The following IGF2BP1 variants were observed in gnomAD, a reference collection of about 807,000 sequenced individuals.
IGF2BP1 encodes insulin like growth factor 2 mRNA binding protein 1.
Under a neutral mutation model 74.9 loss-of-function variants are expected in IGF2BP1, and 11 were observed. That is an observed-to-expected ratio of 0.15 (90% CI 0.09 to 0.24). IGF2BP1 has a LOEUF of 0.24. IGF2BP1 is among the 10% of genes least tolerant of loss of function. The pLI is 1.00. For synonymous variants in IGF2BP1, 287 were observed against 281.8 expected, an observed-to-expected ratio of 1.02 and a Z score of -0.18; for missense variants, 440 against 757.4, an observed-to-expected ratio of 0.58 and a Z score of 4.92.
At chr17:49,043,317 C>G (rs928541924) in intron 9 of IGF2BP1, 111 bp from the exon 10 acceptor site, 2 of 1,206,816 alleles carry the variant, frequency 1.7e-6, no homozygotes, top group East Asian at 4.7e-5. Context: ...GTATGTAATT[C>G]ATGTTTTTGG....
Position 48,999,117 on chromosome 17 carries a change from GA to G in IGF2BP1, c.186del (p.Glu62AspfsTer7). ...TTTTTTTTAATCTTTAGGGAAAGTA[GA>G]ATTACAAGGAAAACGCTTAGAGATT... ...KAIETFSGKV[E>X]LQGKRLEIEH... is the part of the protein sequence containing the mutation. On this transcript the variant is annotated frameshift_variant, in exon 2 of 15. Transcript: ENST00000290341. LOFTEE classifies it high-confidence loss of function. The G allele has an allele frequency of 6.9e-7, 1 of 1,448,140 alleles. No homozygotes were observed. Among genetic ancestry groups the G allele is most frequent in the Non-Finnish European group, 9.3e-7 (1 of 1,075,342 alleles). The allele number at this position is 1,448,140 out of a possible 1,614,324, so 89.7% of individuals were successfully genotyped here.
In IGF2BP1 at chr17:49,054,778, G is replaced by A. The variant is rs892448222; in HGVS notation, c.*5334G>A. The A allele has an allele frequency of 6.6e-6, 1 of 152,112 alleles. No individual in the cohort carries two copies. Among genetic ancestry groups the A allele is most frequent in the Non-Finnish European group, 1.5e-5 (1 of 68,068 alleles). 9.4% of individuals were successfully genotyped at this position (152,112 alleles called of 1,614,324 possible). A position where few individuals can be genotyped will look rare whatever the true frequency, so the allele number is the denominator to read the frequency against. ...GAGACCTCTTCAACAGGGTTTCTTT[G>A]AGATCCTACACCTCCATTGGGCCCT... On this transcript the variant is annotated 3_prime_UTR_variant, in exon 15 of 15. Coordinates refer to ENST00000290341, the MANE Select transcript of IGF2BP1 (RefSeq NM_006546.4).
intron 5 of IGF2BP1, among the ~76,000 whole-genome samples, chr17:49,035,692 G>A (rs537723997): frequency 6.6e-6 from 1 of 152,350 alleles, no homozygotes; most frequent in South Asian, 2.1e-4. Flanking sequence ...GGTCTCCCCT[G>A]GGCGGCCGCC....
intron 2 of IGF2BP1, among the ~76,000 whole-genome samples, chr17:48,999,905 A>G (rs1274807068): frequency 4.0e-5 from 6 of 148,218 alleles, no homozygotes; most frequent in African/African-American, 1.5e-4. Context: ...TGGAGGGTCT[A>G]GAACTCCGTG....
chr17:49,037,711 C>T (rs1409804632), intron 5 of IGF2BP1, among the ~76,000 whole-genome samples: 1 of 152,178 alleles, frequency 6.6e-6, no homozygotes, highest in Non-Finnish European at 1.5e-5. Flanking sequence ...TAGTAGTTAG[C>T]AGTTGGTTTC....
In IGF2BP1 at chr17:49,009,412, A is replaced by T. The variant is rs545970723; in HGVS notation, c.236+10243A>T. ...TCTCTTTATCCTTGGTATTTTTTTT[A>T]AAAAAATTATTTTTAGGCTGGGCGC... On this transcript the variant is annotated intron_variant, in intron 2 of 14. Transcript: ENST00000290341. Among the ~76,000 whole-genome samples the T allele has an allele frequency of 9.3e-4, 142 of 151,898 alleles. 1 individual carries two copies. In the East Asian group the frequency reaches 0.013, roughly 14 times the overall value.
intron 2 of IGF2BP1, among the ~76,000 whole-genome samples, chr17:49,012,100 T>C (rs1225773992): frequency 6.6e-6 from 1 of 152,088 alleles, no homozygotes; most frequent in African/African-American, 2.4e-5. Flanking sequence ...GAGAAGGGGT[T>C]TGCCATGTTG....
At chr17:49,047,367 CATA>C (rs943265103) in intron 14 of IGF2BP1, among the ~76,000 whole-genome samples, 2 of 151,744 alleles carry the variant, frequency 1.3e-5, no homozygotes, top group African/African-American at 2.4e-5. Flanking sequence ...TAATAAGAGC[CATA>C]ATAATAATAA....
At chr17:49,025,320 G>GTT (rs2041839191) in intron 2 of IGF2BP1, among the ~76,000 whole-genome samples, 2 of 136,320 alleles carry the variant, frequency 1.5e-5, no homozygotes, top group South Asian at 4.8e-4. Context: ...CAAAGTGTGT[G>GTT]TGTGTGTGTG....
At chr17:49,022,817 C>G (rs2041809235) in intron 2 of IGF2BP1, among the ~76,000 whole-genome samples, 1 of 152,178 alleles carries the variant, frequency 6.6e-6, no homozygotes, top group African/African-American at 2.4e-5. Flanking sequence ...TACTAAGGGA[C>G]CATCTTGAAA....
At chr17:49,009,089 G>A (rs967108280) in intron 2 of IGF2BP1, among the ~76,000 whole-genome samples, 1 of 152,000 alleles carries the variant, frequency 6.6e-6, no homozygotes, top group Non-Finnish European at 1.5e-5. Flanking sequence ...GTGCTGTGGT[G>A]CCATCTTGGC....
rs770757202 is a variant in IGF2BP1, at chr17:48,997,940, C to T, written c.175+20C>T. 1.2e-6 allele frequency: 2 copies of T among 1,609,506 alleles called. No homozygotes were observed. The highest frequency in any genetic ancestry group is 1.3e-5 in the African/African-American group (1 of 74,792). On this transcript the variant is annotated intron_variant, in intron 1 of 14. Coordinates refer to ENST00000290341, the MANE Select transcript of IGF2BP1 (RefSeq NM_006546.4). This position sits in a 1 kb window ranked among gnomAD's most constrained non-coding sequence, Gnocchi z 4.8. ...TCTCCGGTAAGAACACAGCCACCTCCCGGAAAAGCCACAACGAGAGCCCCG... is the reference window on the plus strand; with the variant it reads ...TCTCCGGTAAGAACACAGCCACCTCTCGGAAAAGCCACAACGAGAGCCCCG...
intron 8 of IGF2BP1, 60 bp downstream of exon 8, chr17:49,041,560 TATTTCATCATGG>T: frequency 6.2e-7 from 1 of 1,600,720 alleles, no homozygotes; most frequent in Non-Finnish European, 8.5e-7. Context: ...CCAGGGTCAG[TATTTCATCATGG>T]AACCTTGATA....
intron 1 of IGF2BP1, among the ~76,000 whole-genome samples, chr17:48,998,560 G>C (rs1406413243): frequency 6.6e-6 from 1 of 152,172 alleles, no homozygotes; most frequent in Non-Finnish European, 1.5e-5. Flanking sequence ...GCCGAGGCTG[G>C]GCCGAGAGGC....
rs760463978 is a variant in IGF2BP1 at position 49,026,651 on chromosome 17, G to T, written c.337+134G>T. ...TTCCTTCCTGCCTTCCTTCCTGCCT[G>T]CCTTCCTGCCTTCCTGCCTTCCTTC... On this transcript the variant is annotated intron_variant, in intron 4 of 14. Transcript: ENST00000290341. 162 of 602,532 alleles carry T rather than the reference G, an allele frequency of 2.7e-4. 2 individuals carry two copies. The highest frequency in any genetic ancestry group is 1.3e-3 in the African/African-American group (64 of 49,344). The allele number at this position is 602,532 out of a possible 1,614,324, so 37.3% of individuals were successfully genotyped here. A position where few individuals can be genotyped will look rare whatever the true frequency, so the allele number is the denominator to read the frequency against.
chr17:49,045,317 T>A (rs1338558312), intron 12 of IGF2BP1, among the ~76,000 whole-genome samples: 2 of 152,262 alleles, frequency 1.3e-5, no homozygotes, highest in African/African-American at 4.8e-5. Flanking sequence ...TGAGGGCATC[T>A]TATTTGCACT....
chr17:49,004,518 G>A (rs28391589), intron 2 of IGF2BP1: 28,404 of 152,212 alleles, frequency 0.19, 2,855 homozygotes, highest in African/African-American at 0.26. Context: ...GTCTTGGCCT[G>A]AGAAATAGAA....
chr17:49,034,761 A>AAC (rs2041967443), intron 5 of IGF2BP1, among the ~76,000 whole-genome samples: 1 of 148,640 alleles, frequency 6.7e-6, no homozygotes, highest in African/African-American at 2.6e-5. Flanking sequence ...AAAAACAAAA[A>AAC]AAACAAAAAA....
At position 49,041,450 on chromosome 17, in the gene IGF2BP1, G is replaced by T; in HGVS notation, c.891G>T (p.Arg297=). The part of the protein sequence containing the change: ...FVGRLIGKEG[R]NLKKVEQDTE... ...GGCGTCTCATTGGCAAGGAAGGACG[G>T]AACCTGAAGAAGGTAGAGCAAGATA... Residue 297 remains arginine, a synonymous_variant, in exon 8 of 15, where the codon CGG becomes CGT. Transcript: ENST00000290341. 1.2e-6 allele frequency: 2 copies of T among 1,614,102 alleles called. No homozygotes were observed. Among genetic ancestry groups the T allele is most frequent in the Non-Finnish European group, 1.7e-6 (2 of 1,180,034 alleles).
Sources: allele counts gnomAD v4.1 joint callset (sites outside exome capture counted in the v4.1 genomes callset), GRCh38; gene constraint gnomAD v4.1.1; non-coding constraint Gnocchi (gnomAD v3.1); transcripts MANE v1.5; gene names NCBI Gene and HGNC (gene_info 2026-07-23, HGNC 2026-07-21).